RAD54L2: variants seen among roughly 807,000 people sequenced by gnomAD.
RAD54L2 encodes the protein helicase ARIP4.
A neutral mutation model predicts 138.4 loss-of-function variants in RAD54L2; 27 were observed. The ratio of observed to expected loss-of-function variants is 0.20; its 90% CI spans 0.14 to 0.27. The LOEUF is 0.27. Among genes scored for constraint, RAD54L2 ranks in the 10% least tolerant of loss-of-function variants. RAD54L2 has a pLI of 1.00. For synonymous variants in RAD54L2, 644 were observed against 723.2 expected, an observed-to-expected ratio of 0.89 and a Z score of 1.76; for missense variants, 1,396 against 1,890.2, an observed-to-expected ratio of 0.74 and a Z score of 4.85.
At chr3:51,566,161 A>G (rs1415537810) in intron 2 of RAD54L2, among the ~76,000 whole-genome samples, 1 of 152,192 alleles carries the variant, frequency 6.6e-6, no homozygotes, top group Admixed American at 6.5e-5. Flanking sequence ...GTTTGACTAT[A>G]GATTTGCTAT....
chr3:51,550,410 G>A (rs1698806617), intron 2 of RAD54L2, among the ~76,000 whole-genome samples: 1 of 152,086 alleles, frequency 6.6e-6, no homozygotes, highest in Admixed American at 6.6e-5. Context: ...TAAAATTCAG[G>A]CATTTTTAAA....
chr3:51,624,647 A>G (rs531628697), intron 3 of RAD54L2, among the ~76,000 whole-genome samples: 1 of 152,168 alleles, frequency 6.6e-6, no homozygotes, highest in Non-Finnish European at 1.5e-5. Flanking sequence ...CCGTTTTTAA[A>G]CATGAACAGA....
At chr3:51,544,771 A>AT (rs1553671917) in intron 2 of RAD54L2, among the ~76,000 whole-genome samples, 2 of 151,834 alleles carry the variant, frequency 1.3e-5, no homozygotes, top group African/African-American at 4.8e-5. Flanking sequence ...TGCCTGGCTA[A>AT]TTTTTGTATT....
At chr3:51,561,248 C>T (rs1037289903) in intron 2 of RAD54L2, among the ~76,000 whole-genome samples, 2 of 152,146 alleles carry the variant, frequency 1.3e-5, no homozygotes, top group Non-Finnish European at 2.9e-5. Context: ...TCATGAAATT[C>T]CCTATCTTTT....
chr3:51,651,116 C>T (rs1395011253), intron 19 of RAD54L2, among the ~76,000 whole-genome samples: 2 of 152,116 alleles, frequency 1.3e-5, no homozygotes, highest in African/African-American at 4.8e-5. Flanking sequence ...CACCACTGAT[C>T]CTACGGAAAT....
chr3:51,542,538 C>T (rs1268547624), intron 2 of RAD54L2, among the ~76,000 whole-genome samples: 1 of 151,828 alleles, frequency 6.6e-6, no homozygotes, highest in Non-Finnish European at 1.5e-5. Flanking sequence ...CTCCACCTCC[C>T]AGGTTCACGC....
Position 51,638,490 on chromosome 3 carries a change from T to G in RAD54L2, c.1860+169T>G. ...GCTCCAAGGAGAGAGGTGATGGTTT[T>G]GTACCACATAACTCCTGGGGGTGCC... On this transcript the variant is annotated intron_variant, in intron 12 of 22. Transcript: ENST00000684192. The surrounding 1 kb of genome is among the most constrained non-coding windows in gnomAD (Gnocchi z 4.3). 1.4e-6 allele frequency: 1 copy of G among 736,774 alleles called. No individual in the cohort carries two copies. Among genetic ancestry groups the G allele is most frequent in the Admixed American group, 2.9e-5 (1 of 34,692 alleles). The allele number at this position is 736,774 out of a possible 1,614,324, so 45.6% of individuals were successfully genotyped here. A position where few individuals can be genotyped will look rare whatever the true frequency, so the allele number is the denominator to read the frequency against.
chr3:51,611,882 T>C (rs1055602380), intron 3 of RAD54L2, among the ~76,000 whole-genome samples: 3 of 152,012 alleles, frequency 2.0e-5, no homozygotes, highest in Non-Finnish European at 2.9e-5. Flanking sequence ...ATACAGTACT[T>C]TTGAATGAGC....
Position 51,662,856 on chromosome 3 carries a change from C to T in RAD54L2, c.3840C>T (p.Pro1280=), listed in dbSNP as rs531123293. ...RRSRKGHLPA[P]VQPYEHGYPV... is the part of the protein sequence containing the mutation. The stretch of plus-strand genomic sequence containing the variant: ...CCAGGAAGGGTCATCTGCCAGCCCC[C>T]GTGCAGCCGTATGAACACGGGTATC... The change falls in exon 23 of 23, where the codon CCC becomes CCT. Residue 1280 remains proline, a synonymous_variant. Coordinates refer to ENST00000684192, the MANE Select transcript of RAD54L2 (RefSeq NM_015106.4). This position sits in a 1 kb window ranked among gnomAD's most constrained non-coding sequence, Gnocchi z 4.6. 30 of 1,613,478 alleles carry T rather than the reference C, an allele frequency of 1.9e-5. No individual in the cohort carries two copies. Among genetic ancestry groups the T allele is most frequent in the South Asian group, 7.7e-5 (7 of 90,992 alleles).
chr3:51,645,842 T>A lies in RAD54L2; in HGVS notation c.2829+79T>A. ...AGGCTTGTCTTGTAAGCTTTTTTCT[T>A]CATCTGAGGTGATGTTTCATGCAGG... is the stretch of plus-strand genomic sequence containing the variant. On this transcript the variant is annotated intron_variant, in intron 18 of 22. Coordinates refer to ENST00000684192, the MANE Select transcript of RAD54L2 (RefSeq NM_015106.4). The surrounding 1 kb of genome is among the most constrained non-coding windows in gnomAD (Gnocchi z 6.1). 5 of 1,396,474 alleles carry A rather than the reference T, an allele frequency of 3.6e-6. No individual in the cohort carries two copies. Among genetic ancestry groups the A allele is most frequent in the Non-Finnish European group, 4.8e-6 (5 of 1,041,260 alleles). 86.5% of individuals were successfully genotyped at this position (1,396,474 alleles called of 1,614,324 possible). A position where few individuals can be genotyped will look rare whatever the true frequency, so the allele number is the denominator to read the frequency against.
intron 3 of RAD54L2, among the ~76,000 whole-genome samples, chr3:51,617,049 C>T (rs963360884): frequency 1.3e-5 from 2 of 152,132 alleles, no homozygotes; most frequent in Admixed American, 1.3e-4. Flanking sequence ...TGTTGTTGCA[C>T]GTGTCCATAG....
At chr3:51,542,820 A>G (rs1553671544) in intron 2 of RAD54L2, among the ~76,000 whole-genome samples, 1 of 152,186 alleles carries the variant, frequency 6.6e-6, no homozygotes, top group African/African-American at 2.4e-5. Context: ...GTCCAAGGTC[A>G]TTCCTGGCAG....
chr3:51,662,462 G>A lies in RAD54L2; in HGVS notation c.3446G>A (p.Gly1149Asp). The A allele has an allele frequency of 1.3e-6, 2 of 1,558,696 alleles. No homozygotes were observed. The highest frequency in any genetic ancestry group is 1.2e-5 in the South Asian group (1 of 82,856). ...CCTTCTTGCGAGTCCACAAGCAACG[G>A]CAGACACAGTGCCTCATCACCCAAA... is the stretch of plus-strand genomic sequence containing the variant. Reference protein sequence around the residue: ...QGPSCESTSNGRHSASSPKAP... With the variant: ...QGPSCESTSNDRHSASSPKAP... The change falls in exon 23 of 23, where the codon GGC (glycine) becomes GAC (aspartate). Residue 1149 changes from glycine to aspartate, a missense_variant. Gly to Asp is a moderately conservative substitution (Grantham distance 94). Transcript: ENST00000684192. This position sits in a 1 kb window ranked among gnomAD's most constrained non-coding sequence, Gnocchi z 4.6.
Position 51,633,906 on chromosome 3 carries a change from A to C in RAD54L2, c.1013A>C (p.Asn338Thr). Residue 338 changes from asparagine to threonine, a missense_variant, in exon 9 of 23, where the codon AAT (asparagine) becomes ACT (threonine). Asn to Thr is a moderately conservative substitution (Grantham distance 65). This residue lies in a region of RAD54L2 where 169 missense variants were observed against 235.6 expected (regional missense o/e 0.72). Transcript: ENST00000684192. ...TTGGACTTGGCTTTCTAATAGGTTAATACTCTTCAGAATTGGCTGGCAGAG... is the reference window on the plus strand; with the variant it reads ...TTGGACTTGGCTTTCTAATAGGTTACTACTCTTCAGAATTGGCTGGCAGAG... Reference protein sequence around the residue: ...AKTVLAIVPVNTLQNWLAEFN... With the variant: ...AKTVLAIVPVTTLQNWLAEFN... 1 of 1,613,786 alleles carries C rather than the reference A, an allele frequency of 6.2e-7. No homozygotes were observed. The highest frequency in any genetic ancestry group is 8.5e-7 in the Non-Finnish European group (1 of 1,179,786).
At chr3:51,610,869 C>A (rs970520955) in intron 3 of RAD54L2, among the ~76,000 whole-genome samples, 3 of 152,190 alleles carry the variant, frequency 2.0e-5, no homozygotes, top group Admixed American at 6.5e-5. Flanking sequence ...CTAAATCCAA[C>A]ACATCAGGCA....
intron 19 of RAD54L2, among the ~76,000 whole-genome samples, chr3:51,651,907 A>G (rs1423962519): frequency 1.3e-5 from 2 of 152,214 alleles, no homozygotes; most frequent in Non-Finnish European, 2.9e-5. Context: ...CACCACTCCT[A>G]TTCAACATAG....
At chr3:51,642,330 C>CTTTT (rs367658494) in intron 15 of RAD54L2, among the ~76,000 whole-genome samples, 1 of 130,636 alleles carries the variant, frequency 7.7e-6, no homozygotes, top group African/African-American at 2.8e-5. Context: ...AGGGGATGAA[C>CTTTT]TTTTTTTTTT....
intron 3 of RAD54L2, among the ~76,000 whole-genome samples, chr3:51,612,918 GTAGA>G (rs1335029667): frequency 6.6e-6 from 1 of 152,000 alleles, no homozygotes; most frequent in Non-Finnish European, 1.5e-5. Flanking sequence ...TAAGATTTTA[GTAGA>G]AAAGGCATGT....
At chr3:51,610,508 G>T (rs919178432) in intron 3 of RAD54L2, among the ~76,000 whole-genome samples, 7 of 152,056 alleles carry the variant, frequency 4.6e-5, no homozygotes, top group African/African-American at 1.7e-4. Context: ...GGAGGCTGAG[G>T]CAGGAGAATA....
Sources: allele counts gnomAD v4.1 joint callset (sites outside exome capture counted in the v4.1 genomes callset), GRCh38; gene constraint gnomAD v4.1.1; regional missense constraint gnomAD v4.1.1; non-coding constraint Gnocchi (gnomAD v3.1); transcripts MANE v1.5; gene names NCBI Gene and HGNC (gene_info 2026-07-23, HGNC 2026-07-21).